Variants in WWTR1 observed in about 807,000 individuals in gnomAD.
WWTR1 encodes WW domain containing transcription regulator 1.
A neutral mutation model predicts 40.1 loss-of-function variants in WWTR1; 13 were observed. The observed-to-expected ratio is 0.32, with a 90% CI of 0.21 to 0.52. WWTR1 has a LOEUF of 0.52. Ranked by LOEUF, WWTR1 falls within the 20% of genes least tolerant of loss-of-function variation. WWTR1 has a pLI of 0.97. For synonymous variants in WWTR1, 230 were observed against 210.1 expected, an observed-to-expected ratio of 1.09 and a Z score of -0.82; for missense variants, 436 against 523.1, an observed-to-expected ratio of 0.83 and a Z score of 1.63.
intron 1 of WWTR1, among the ~76,000 whole-genome samples, chr3:149,689,852 A>G (rs1714762178): frequency 6.6e-6 from 1 of 152,184 alleles, no homozygotes; most frequent in African/African-American, 2.4e-5. Context: ...TAAACTACTC[A>G]TATCTTGAGT....
chr3:149,573,233 G>A (rs913861153), intron 2 of WWTR1, among the ~76,000 whole-genome samples: 2 of 152,052 alleles, frequency 1.3e-5, no homozygotes, highest in South Asian at 2.1e-4. Context: ...CCAAGACATC[G>A]CTGTCCAGAC....
chr3:149,695,450 A>T (rs1316813962), intron 1 of WWTR1, among the ~76,000 whole-genome samples: 1 of 152,136 alleles, frequency 6.6e-6, no homozygotes, highest in Non-Finnish European at 1.5e-5. Flanking sequence ...ATGTACTCAT[A>T]AAAATTAAAA....
chr3:149,530,771 C>T (rs1735535417), intron 4 of WWTR1, among the ~76,000 whole-genome samples: 1 of 152,172 alleles, frequency 6.6e-6, no homozygotes, highest in Admixed American at 6.5e-5. Flanking sequence ...CTCTAGTCTC[C>T]AGCACTGATG....
Position 149,590,255 on chromosome 3 carries a change from A to C in WWTR1, c.432-17255T>G, listed in dbSNP as rs571329890. ...AATATTCACAATAACCATGCTGTTAATGTCTGATAATAATAGTTGACATTT... is the reference window on the plus strand; with the variant it reads ...AATATTCACAATAACCATGCTGTTACTGTCTGATAATAATAGTTGACATTT... On this transcript the variant is annotated intron_variant, in intron 2 of 6. Coordinates refer to ENST00000360632, the MANE Select transcript of WWTR1 (RefSeq NM_015472.6). 4.6e-5 allele frequency among the ~76,000 whole-genome samples: 7 copies of C among 152,188 alleles called. No individual in the cohort carries two copies. In the South Asian group the frequency reaches 1.4e-3, roughly 31 times the overall value.
chr3:149,671,033 T>C (rs1714071198), intron 1 of WWTR1: 2 of 152,088 alleles, frequency 1.3e-5, no homozygotes, highest in Admixed American at 1.3e-4. Flanking sequence ...TGGGAAGAAA[T>C]GATACTTTGC....
intron 3 of WWTR1, among the ~76,000 whole-genome samples, chr3:149,564,323 A>G (rs924769794): frequency 6.6e-6 from 1 of 152,160 alleles, no homozygotes; most frequent in African/African-American, 2.4e-5. Flanking sequence ...GATCTTAGAG[A>G]CTAGTGAATA....
intron 5 of WWTR1, among the ~76,000 whole-genome samples, chr3:149,708,752 T>C (rs1055087397): frequency 6.6e-6 from 1 of 152,254 alleles, no homozygotes; most frequent in Non-Finnish European, 1.5e-5. Context: ...TTGACTATTG[T>C]GAATAGTGCT....
intron 2 of WWTR1, among the ~76,000 whole-genome samples, chr3:149,636,773 G>A (rs1390296783): frequency 2.0e-5 from 3 of 151,912 alleles, no homozygotes; most frequent in Non-Finnish European, 4.4e-5. Context: ...TACTATGCAT[G>A]CCATGCTTTG....
At chr3:149,640,075 T>C (rs1422784248) in intron 2 of WWTR1, among the ~76,000 whole-genome samples, 4 of 150,204 alleles carry the variant, frequency 2.7e-5, no homozygotes, top group Non-Finnish European at 5.9e-5. Context: ...ACAGGGGCAC[T>C]AACATGATTT....
chr3:149,599,236 G>A (rs1393060317), intron 2 of WWTR1, among the ~76,000 whole-genome samples: 1 of 152,212 alleles, frequency 6.6e-6, no homozygotes, highest in East Asian at 1.9e-4. Context: ...GGTCCAATTA[G>A]CAAATGGATT....
At chr3:149,578,988 C>T (rs766695149) in intron 2 of WWTR1, among the ~76,000 whole-genome samples, 8 of 152,068 alleles carry the variant, frequency 5.3e-5, no homozygotes, top group South Asian at 2.1e-4. Context: ...TGAAGGAAGC[C>T]GTATAACAAG....
chr3:149,705,241 A>G (rs1715301952), upstream of WWTR1, among the ~76,000 whole-genome samples: 1 of 152,124 alleles, frequency 6.6e-6, no homozygotes, highest in Non-Finnish European at 1.5e-5. Context: ...AGCTCATAAT[A>G]AATCAATAAT....
chr3:149,694,627 ATC>A (rs1337895066), intron 1 of WWTR1, among the ~76,000 whole-genome samples: 1 of 152,238 alleles, frequency 6.6e-6, no homozygotes, highest in Non-Finnish European at 1.5e-5. Flanking sequence ...ATGGGATATC[ATC>A]TGACCCCAGT....
At chr3:149,620,990 T>C (rs1740240010) in intron 2 of WWTR1, among the ~76,000 whole-genome samples, 1 of 152,206 alleles carries the variant, frequency 6.6e-6, no homozygotes, top group Non-Finnish European at 1.5e-5. Flanking sequence ...CATGTCACCC[T>C]TGATAGGAAC....
intron 2 of WWTR1, among the ~76,000 whole-genome samples, chr3:149,641,311 T>C (rs905359548): frequency 2.0e-5 from 3 of 151,612 alleles, no homozygotes; most frequent in Non-Finnish European, 3.0e-5. Context: ...CTCCATACGA[T>C]ATGTACCAGC....
intron 2 of WWTR1, among the ~76,000 whole-genome samples, chr3:149,594,292 G>A (rs1738871368): frequency 6.6e-6 from 1 of 152,044 alleles, no homozygotes. Flanking sequence ...TCTGGTTTAG[G>A]AGTTCCCCCT....
chr3:149,676,589 C>G (rs375339735), intron 1 of WWTR1, among the ~76,000 whole-genome samples: 111 of 152,176 alleles, frequency 7.3e-4, no homozygotes, highest in African/African-American at 2.4e-3. Flanking sequence ...TTACAGCAAC[C>G]CTGCCTGGCA....
At chr3:149,690,931 A>G (rs894407354) in intron 1 of WWTR1, among the ~76,000 whole-genome samples, 2 of 152,230 alleles carry the variant, frequency 1.3e-5, no homozygotes, top group African/African-American at 4.8e-5. Flanking sequence ...CGAGAAATCA[A>G]TAACATAAGG....
At chr3:149,592,125 CA>C (rs1458912717) in intron 2 of WWTR1, among the ~76,000 whole-genome samples, 1 of 152,148 alleles carries the variant, frequency 6.6e-6, no homozygotes, top group Non-Finnish European at 1.5e-5. Context: ...CCCCTGCACC[CA>C]AAAGGGTTCT....
Sources: allele counts gnomAD v4.1 joint callset (sites outside exome capture counted in the v4.1 genomes callset), GRCh38; gene constraint gnomAD v4.1.1; transcripts MANE v1.5; gene names NCBI Gene and HGNC (gene_info 2026-07-23, HGNC 2026-07-21).